FMN1: variants seen among roughly 807,000 people sequenced by gnomAD.
The protein encoded by FMN1 is formin-1.
FMN1 carries 110 observed loss-of-function variants against 132.4 expected under a neutral mutation model. That is an observed-to-expected ratio of 0.83 (90% CI 0.71 to 0.97). FMN1 has a LOEUF of 0.97. Among genes scored for constraint, FMN1 ranks in the 50% least tolerant of loss-of-function variants. The probability of loss-of-function intolerance (pLI) is 0.00; values close to 1 mark genes in which losing one functional copy is unlikely to be tolerated. For missense variants in FMN1, 1,792 were observed against 1,705.3 expected, an observed-to-expected ratio of 1.05 and a Z score of -0.90; for synonymous variants, 722 against 651.7, an observed-to-expected ratio of 1.11 and a Z score of -1.64.
intron 5 of FMN1, among the ~76,000 whole-genome samples, chr15:33,078,294 C>G (rs550323570): frequency 2.6e-5 from 4 of 151,816 alleles, no homozygotes; most frequent in Non-Finnish European, 5.9e-5. Context: ...ATGTGACCAT[C>G]ATTATTATGG....
intron 4 of FMN1, among the ~76,000 whole-genome samples, chr15:33,097,612 C>T (rs2039138105): frequency 6.6e-6 from 1 of 152,182 alleles, no homozygotes; most frequent in South Asian, 2.1e-4. Flanking sequence ...AGTGTCGAAA[C>T]CACCTTAGGG....
At chr15:33,192,596 G>A (rs1966116924) in intron 2 of FMN1, among the ~76,000 whole-genome samples, 1 of 152,206 alleles carries the variant, frequency 6.6e-6, no homozygotes. Flanking sequence ...AGGCTGGTGA[G>A]AGAAATGCCT....
At chr15:32,953,521 G>C (rs999758579) in intron 9 of FMN1, among the ~76,000 whole-genome samples, 2 of 152,180 alleles carry the variant, frequency 1.3e-5, no homozygotes, top group Non-Finnish European at 2.9e-5. Flanking sequence ...GCCTCAGCTG[G>C]AGGGAAATCA....
At chr15:32,974,748 A>T (rs2032064806) in intron 7 of FMN1, among the ~76,000 whole-genome samples, 1 of 152,190 alleles carries the variant, frequency 6.6e-6, no homozygotes, top group South Asian at 2.1e-4. Flanking sequence ...AACACAGCTG[A>T]GATAGTAAAA....
At chr15:32,833,828 T>C (rs2058561968) in intron 17 of FMN1, among the ~76,000 whole-genome samples, 1 of 152,198 alleles carries the variant, frequency 6.6e-6, no homozygotes. Flanking sequence ...CAATTTCAAC[T>C]TCTGGAATCA....
chr15:32,999,909 C>T (rs1313418654), intron 7 of FMN1, among the ~76,000 whole-genome samples: 1 of 152,156 alleles, frequency 6.6e-6, no homozygotes, highest in East Asian at 1.9e-4. Context: ...CCAAAGAAGT[C>T]CTACTAATCC....
At chr15:33,057,168 C>T (rs1352653182) in intron 6 of FMN1, among the ~76,000 whole-genome samples, 3 of 152,146 alleles carry the variant, frequency 2.0e-5, no homozygotes, top group South Asian at 4.1e-4. Flanking sequence ...CAGAGCGAGA[C>T]TCCATCTTAA....
At chr15:32,901,244 G>A (rs527668014) in intron 13 of FMN1, among the ~76,000 whole-genome samples, 3 of 152,124 alleles carry the variant, frequency 2.0e-5, no homozygotes, top group Non-Finnish European at 4.4e-5. Context: ...TTATTAGTGC[G>A]TGTATAATTA....
At chr15:33,006,129 A>G (rs2034403502) in intron 7 of FMN1, among the ~76,000 whole-genome samples, 1 of 152,226 alleles carries the variant, frequency 6.6e-6, no homozygotes, top group Admixed American at 6.5e-5. Flanking sequence ...CATTGAAAAG[A>G]AGGATGTTTT....
chr15:32,829,417 C>A (rs1225588027), intron 17 of FMN1, among the ~76,000 whole-genome samples: 5 of 152,120 alleles, frequency 3.3e-5, no homozygotes, highest in African/African-American at 1.2e-4. Flanking sequence ...ATAACACAGG[C>A]CCCCAGGAGA....
chr15:32,876,976 G>A (rs541564605), intron 16 of FMN1, among the ~76,000 whole-genome samples: 3 of 152,050 alleles, frequency 2.0e-5, no homozygotes, highest in African/African-American at 4.8e-5. Context: ...CTGGATAAGC[G>A]CTCTGCTCTA....
At chr15:32,841,858 G>A (rs868397013) in intron 17 of FMN1, among the ~76,000 whole-genome samples, 2 of 152,136 alleles carry the variant, frequency 1.3e-5, no homozygotes, top group East Asian at 1.9e-4. Context: ...CATTTTCCTA[G>A]GGCAAGCACA....
intron 6 of FMN1, among the ~76,000 whole-genome samples, chr15:33,057,579 A>G (rs2037275597): frequency 6.6e-6 from 1 of 152,228 alleles, no homozygotes; most frequent in Non-Finnish European, 1.5e-5. Flanking sequence ...TGACAGAGCC[A>G]AGCTTCGAAC....
At chr15:32,976,630 C>A (rs944061955) in intron 7 of FMN1, among the ~76,000 whole-genome samples, 1 of 152,098 alleles carries the variant, frequency 6.6e-6, no homozygotes, top group Non-Finnish European at 1.5e-5. Context: ...ACCAAAAGGC[C>A]ATGTCAAGGA....
intron 4 of FMN1, among the ~76,000 whole-genome samples, chr15:33,139,185 A>G (rs1383316558): frequency 2.0e-5 from 3 of 152,218 alleles, no homozygotes; most frequent in Non-Finnish European, 4.4e-5. Flanking sequence ...ATTGCACTGA[A>G]ATGGAGTTGT....
chr15:32,964,905 T>TA (rs1208640142), intron 8 of FMN1, among the ~76,000 whole-genome samples: 3 of 152,154 alleles, frequency 2.0e-5, no homozygotes, highest in Non-Finnish European at 2.9e-5. Flanking sequence ...GGATATCATC[T>TA]AAAGTAGCCA....
chr15:32,870,855 A>G (rs990094212), intron 16 of FMN1, among the ~76,000 whole-genome samples: 5 of 152,214 alleles, frequency 3.3e-5, no homozygotes, highest in African/African-American at 4.8e-5. Flanking sequence ...TGAATTAAAG[A>G]TGGTAACTCC....
intron 4 of FMN1, among the ~76,000 whole-genome samples, chr15:33,127,939 G>A (rs1000674815): frequency 6.6e-6 from 1 of 152,098 alleles, no homozygotes; most frequent in Non-Finnish European, 1.5e-5. Context: ...AGAAGAGGCA[G>A]CAACAGGACA....
At chr15:33,007,707 A>AC (rs1197833177) in intron 7 of FMN1, among the ~76,000 whole-genome samples, 1 of 152,162 alleles carries the variant, frequency 6.6e-6, no homozygotes, top group Non-Finnish European at 1.5e-5. Context: ...AGAAAAAAAA[A>AC]CTTCTACTAT....
Sources: gnomAD v4.1 joint callset for allele counts (sites outside exome capture counted in the v4.1 genomes callset) on GRCh38, gnomAD v4.1.1 for gene constraint, MANE v1.5 for transcripts, NCBI Gene and HGNC (gene_info 2026-07-23, HGNC 2026-07-21) for gene names.